Variants in ZNF43 observed in about 807,000 individuals in gnomAD.
ZNF43 encodes zinc finger protein 43, also known as zinc finger protein 39-like 1 (KOX 27).
A neutral mutation model predicts 68.4 loss-of-function variants in ZNF43; 44 were observed. The observed-to-expected ratio is 0.64, with a 90% confidence interval of 0.51 to 0.83. ZNF43 has a LOEUF of 0.83. Ranked by LOEUF, ZNF43 falls within the 40% of genes least tolerant of loss-of-function variation. The pLI, the probability that ZNF43 is intolerant of heterozygous loss-of-function variation, is 0.00. For synonymous variants in ZNF43, 308 were observed against 307.8 expected (o/e 1.00, Z -0.01); for missense variants, 896 against 933.2 (o/e 0.96, Z 0.52).
chr19:21,836,238 TGGAC>T (rs2038729086), upstream of ZNF43: 1 of 1,404,140 alleles, frequency 7.1e-7, no homozygotes, highest in Non-Finnish European at 9.3e-7. Context: ...CGTGCCTGAT[TGGAC>T]GGTTTCCAGC....
chr19:21,847,868 C>G (rs1317020356), intron 1 of ZNF43, among the ~76,000 whole-genome samples: 1 of 152,170 alleles, frequency 6.6e-6, no homozygotes, highest in Non-Finnish European at 1.5e-5. Context: ...GAGTCTCGCT[C>G]TGTCACCCAG....
At position 21,807,544 on chromosome 19, in the gene ZNF43, G is replaced by GTGACAACC; in HGVS notation, c.*55_*62dup. 7.2e-7 allele frequency: 1 copy of GTGACAACC among 1,395,892 alleles called. No homozygotes were observed. The highest frequency in any genetic ancestry group is 9.6e-7 in the Non-Finnish European group (1 of 1,047,020). 86.5% of individuals were successfully genotyped at this position (1,395,892 alleles called of 1,614,324 possible). A position where few individuals can be genotyped will look rare whatever the true frequency, so the allele number is the denominator to read the frequency against. ...TAAATTATCTTACCTACAATCAAGT[G>GTGACAACC]TGACAACCATGTAAAGCCTTTATCA... On this transcript the variant is annotated 3_prime_UTR_variant, in exon 4 of 4. Coordinates refer to ENST00000354959, the MANE Select transcript of ZNF43 (RefSeq NM_003423.4).
At chr19:21,826,554 G>A (rs1288403842) in intron 1 of ZNF43, 1 of 152,068 alleles carries the variant, frequency 6.6e-6, no homozygotes, top group South Asian at 2.1e-4. Context: ...ATACTGCTGG[G>A]TTTGGCTGAG....
In ZNF43 at chr19:21,807,782, T is replaced by C. The variant is rs765429589; in HGVS notation, c.2255A>G (p.His752Arg). 3.7e-6 allele frequency: 6 copies of C among 1,613,510 alleles called. No individual in the cohort carries two copies. Among genetic ancestry groups the C allele is most frequent in the Admixed American group, 1.7e-5 (1 of 59,998 alleles). ...AFNYSSHLNT[H>R]KRIHTKEQPY... The stretch of plus-strand genomic sequence containing the variant: ...TTGCTCTTTAGTATGAATTCTCTTA[T>C]GTGTATTAAGGTGTGAGGAATAGTT... The change falls in exon 4 of 4, where the codon CAT (histidine) becomes CGT (arginine). Residue 752 changes from histidine to arginine, a missense_variant. His to Arg is a conservative substitution (Grantham distance 29, BLOSUM62 0). Transcript: ENST00000354959.
intron 1 of ZNF43, among the ~76,000 whole-genome samples, chr19:21,824,706 A>C (rs1043424300): frequency 2.0e-5 from 3 of 148,556 alleles, no homozygotes; most frequent in African/African-American, 5.0e-5. Context: ...AGGCTGCTGT[A>C]GCACATTTAA....
At chr19:21,851,814 C>A in intron 1 of ZNF43, 1 of 1,393,878 alleles carries the variant, frequency 7.2e-7, no homozygotes, top group Non-Finnish European at 9.6e-7. Flanking sequence ...GCGCCAGCGA[C>A]CAGGACTCAG....
rs776877280 is a variant in ZNF43 at position 21,808,981 on chromosome 19, G to C, written c.1056C>G (p.Asn352Lys). ...TATGTGTAGTAAGGTTTGAGAACTGGTTAAAGGCTTTGCCACATTCTTCAC... is the reference window on the plus strand; with the variant it reads ...TATGTGTAGTAAGGTTTGAGAACTGCTTAAAGGCTTTGCCACATTCTTCAC... ...YTCEECGKAF[N>K]QFSNLTTHKR... Residue 352 changes from asparagine to lysine, a missense_variant, in exon 4 of 4, where the codon AAC (asparagine) becomes AAG (lysine). Transcript: ENST00000354959. The C allele has an allele frequency of 5.0e-6, 8 of 1,612,866 alleles. No individual in the cohort carries two copies. In the East Asian group the frequency reaches 1.6e-4, roughly 31 times the overall value.
chr19:21,833,758 T>A (rs2038542715), intron 1 of ZNF43, among the ~76,000 whole-genome samples: 1 of 151,688 alleles, frequency 6.6e-6, no homozygotes, highest in Non-Finnish European at 1.5e-5. Context: ...CTGGGTGTGG[T>A]GGCTCATGCC....
intron 1 of ZNF43, chr19:21,851,331 CA>C (rs1346315967): frequency 6.6e-6 from 1 of 152,030 alleles, no homozygotes; most frequent in Non-Finnish European, 1.5e-5. Context: ...AGTTCGAGAT[CA>C]GCCTGGCCAA....
At chr19:21,820,634 G>C (rs2037777602) in intron 1 of ZNF43, among the ~76,000 whole-genome samples, 1 of 151,008 alleles carries the variant, frequency 6.6e-6, no homozygotes, top group African/African-American at 2.4e-5. Flanking sequence ...GTCTGTCAGA[G>C]AGCCCTTGAT....
At chr19:21,839,355 A>AAAAAAAAAG (rs1555726813), upstream of ZNF43, among the ~76,000 whole-genome samples, 1 of 146,160 alleles carries the variant, frequency 6.8e-6, no homozygotes, top group Non-Finnish European at 1.5e-5. Flanking sequence ...AAAAAAAAAA[A>AAAAAAAAAG]AGAGATCACA....
At chr19:21,814,358 AACAC>A (rs1055624473) in intron 3 of ZNF43, among the ~76,000 whole-genome samples, 4 of 151,946 alleles carry the variant, frequency 2.6e-5, no homozygotes, top group Non-Finnish European at 5.9e-5. Context: ...TATATTTATA[AACAC>A]ACACACACAT....
intron 1 of ZNF43, 78 bp downstream of exon 1, chr19:21,835,958 T>C (rs1249977007): frequency 1.2e-6 from 2 of 1,608,100 alleles, no homozygotes; most frequent in South Asian, 2.2e-5. Flanking sequence ...ACGCGCAGAT[T>C]GTGGAGCTGA....
chr19:21,837,281 A>G (rs1256399667), upstream of ZNF43, among the ~76,000 whole-genome samples: 1 of 152,192 alleles, frequency 6.6e-6, no homozygotes, highest in Non-Finnish European at 1.5e-5. Context: ...TAGGTACAGA[A>G]GTTCTAATGG....
intron 1 of ZNF43, among the ~76,000 whole-genome samples, chr19:21,820,906 T>C (rs1266233246): frequency 6.7e-6 from 1 of 148,858 alleles, no homozygotes; most frequent in African/African-American, 2.5e-5. Context: ...CGATCTCGGC[T>C]CACTGTAACC....
intron 1 of ZNF43, 100 bp from the exon 2 acceptor site, chr19:21,819,321 G>A: frequency 7.4e-7 from 1 of 1,358,058 alleles, no homozygotes; most frequent in Non-Finnish European, 9.9e-7. Context: ...AGAGTAAAGA[G>A]AACAGGTACT....
Position 21,807,680 on chromosome 19 carries a change from C to T in ZNF43, c.2357G>A (p.Gly786Glu). The part of the protein sequence containing the change: ...NLTTHNKIHT[G>E]EKLYKPEDVT... ...ATCTTCAGGTTTGTAGAGTTTCTCTCCAGTATGAATTTTGTTATGTGTAGT... is the reference window on the plus strand; with the variant it reads ...ATCTTCAGGTTTGTAGAGTTTCTCTTCAGTATGAATTTTGTTATGTGTAGT... The change falls in exon 4 of 4, where the codon GGA (glycine) becomes GAA (glutamate). Residue 786 changes from glycine (G) to glutamate (E), a missense_variant. Coordinates refer to ENST00000354959, the MANE Select transcript of ZNF43 (RefSeq NM_003423.4). The T allele has an allele frequency of 1.2e-6, 2 of 1,606,730 alleles. No individual in the cohort carries two copies. Among genetic ancestry groups the T allele is most frequent in the Non-Finnish European group, 1.7e-6 (2 of 1,176,358 alleles).
chr19:21,836,990 T>C (rs1599531106), upstream of ZNF43, among the ~76,000 whole-genome samples: 1 of 152,168 alleles, frequency 6.6e-6, no homozygotes, highest in Non-Finnish European at 1.5e-5. Flanking sequence ...TTAAAAAGCA[T>C]ATACAAAAAG....
At position 21,807,445 on chromosome 19, in the gene ZNF43, C is replaced by T. The variant is rs1015577479; in HGVS notation, c.*162G>A. On this transcript the variant is annotated 3_prime_UTR_variant, in exon 4 of 4. Transcript: ENST00000354959. ...ACCTTTTTCCAAGTAAAAATTCTTTCCTGTGCAATAAGGTACGAGCATTAA... is the reference window on the plus strand; with the variant it reads ...ACCTTTTTCCAAGTAAAAATTCTTTTCTGTGCAATAAGGTACGAGCATTAA... The T allele has an allele frequency of 1.5e-6, 1 of 650,474 alleles. No individual in the cohort carries two copies. The allele number at this position is 650,474 out of a possible 1,614,324, so 40.3% of individuals were successfully genotyped here.
Sources: allele counts gnomAD v4.1 joint callset (sites outside exome capture counted in the v4.1 genomes callset), GRCh38; gene constraint gnomAD v4.1.1; transcripts MANE v1.5; gene names NCBI Gene and HGNC (gene_info 2026-07-23, HGNC 2026-07-21).